The following KIRREL1 variants were observed in gnomAD, a reference collection of about 807,000 sequenced individuals.
The protein encoded by KIRREL1 is kirre like nephrin family adhesion molecule 1.
In KIRREL1, 25 loss-of-function variants were observed where a neutral mutation model predicts 83.3. The ratio of observed to expected loss-of-function variants is 0.30; its 90% CI spans 0.22 to 0.42. The LOEUF (loss-of-function observed/expected upper bound fraction) is 0.42. KIRREL1 is among the 10% of genes least tolerant of loss of function. The pLI is 1.00. For missense variants in KIRREL1, 812 were observed against 1,032.3 expected, an observed-to-expected ratio of 0.79 and a Z score of 2.92; for synonymous variants, 388 against 410.4, an observed-to-expected ratio of 0.95 and a Z score of 0.66.
At chr1:158,085,088 C>T (rs1661978304) in intron 4 of KIRREL1, among the ~76,000 whole-genome samples, 1 of 152,194 alleles carries the variant, frequency 6.6e-6, no homozygotes, top group Admixed American at 6.5e-5. Context: ...TTATTCCAGT[C>T]ATCACAACAA....
chr1:157,993,767 C>A, intron 1 of KIRREL1, 39 bp downstream of exon 1: 1 of 1,376,908 alleles, frequency 7.3e-7, no homozygotes, highest in Non-Finnish European at 9.7e-7. Context: ...CTCGGCTTCC[C>A]CCCGGGGCCG....
At chr1:158,045,285 A>G (rs1660749181) in intron 1 of KIRREL1, among the ~76,000 whole-genome samples, 1 of 152,160 alleles carries the variant, frequency 6.6e-6, no homozygotes, top group Non-Finnish European at 1.5e-5. Context: ...GGCTGTGGGA[A>G]CGCCCAGAAT....
chr1:158,008,880 T>A (rs936187449), intron 1 of KIRREL1, among the ~76,000 whole-genome samples: 1 of 152,118 alleles, frequency 6.6e-6, no homozygotes, highest in Non-Finnish European at 1.5e-5. Flanking sequence ...TGGCCCTGTC[T>A]CCATGGGGTC....
chr1:158,037,046 A>G (rs533460823), intron 1 of KIRREL1, among the ~76,000 whole-genome samples: 64 of 152,162 alleles, frequency 4.2e-4, no homozygotes, highest in African/African-American at 1.4e-3. Context: ...TGGTTCTCCT[A>G]TGTTAAAGAA....
intron 1 of KIRREL1, among the ~76,000 whole-genome samples, chr1:158,004,937 C>G (rs1324286164): frequency 6.6e-6 from 1 of 152,214 alleles, no homozygotes; most frequent in African/African-American, 2.4e-5. Flanking sequence ...GAGCAAGACT[C>G]TGTCTCAAAA....
intron 3 of KIRREL1, among the ~76,000 whole-genome samples, chr1:158,084,210 G>A (rs1198458512): frequency 6.6e-6 from 1 of 152,118 alleles, no homozygotes; most frequent in East Asian, 1.9e-4. Flanking sequence ...AAGAAAAGCA[G>A]ACAAGGACTG....
At chr1:158,005,683 A>G (rs1326037663) in intron 1 of KIRREL1, among the ~76,000 whole-genome samples, 6 of 152,178 alleles carry the variant, frequency 3.9e-5, no homozygotes, top group Non-Finnish European at 8.8e-5. Context: ...AGCAAGTTGC[A>G]TGATTTGGGA....
chr1:158,006,592 C>G (rs1659525440), intron 1 of KIRREL1, among the ~76,000 whole-genome samples: 1 of 152,226 alleles, frequency 6.6e-6, no homozygotes, highest in South Asian at 2.1e-4. Context: ...CCAAGGCTGT[C>G]CTCCTACAGT....
intron 1 of KIRREL1, among the ~76,000 whole-genome samples, chr1:158,033,583 A>G (rs1435521831): frequency 2.6e-5 from 4 of 152,176 alleles, no homozygotes; most frequent in South Asian, 2.1e-4. Context: ...CACTGCCCCA[A>G]TCAGGTTGTT....
chr1:158,096,381 TC>T lies in KIRREL1; in HGVS notation c.*1262del. The T allele has an allele frequency of 2.8e-6, 1 of 354,970 alleles. No individual in the cohort carries two copies. The highest frequency in any genetic ancestry group is 5.5e-6 in the Non-Finnish European group (1 of 180,908). The allele number at this position is 354,970 out of a possible 1,614,324, so 22.0% of individuals were successfully genotyped here. A position where few individuals can be genotyped will look rare whatever the true frequency, so the allele number is the denominator to read the frequency against. Reference sequence around the variant, plus strand: ...GGTTTTTAAGTGTCTTTTTTTTTTTTCTTGGACCAATCAGATTCCTTCTTCC... The same window carrying T: ...GGTTTTTAAGTGTCTTTTTTTTTTTTTTGGACCAATCAGATTCCTTCTTCC... On this transcript the variant is annotated 3_prime_UTR_variant, in exon 15 of 15. Coordinates refer to ENST00000359209, the MANE Select transcript of KIRREL1 (RefSeq NM_018240.7).
At chr1:158,020,052 T>G (rs1659956425) in intron 1 of KIRREL1, among the ~76,000 whole-genome samples, 1 of 152,160 alleles carries the variant, frequency 6.6e-6, no homozygotes, top group Non-Finnish European at 1.5e-5. Flanking sequence ...AAGAACTGTC[T>G]TGCTGAAATA....
Position 158,088,545 on chromosome 1 carries a change from C to T in KIRREL1, c.1044+91C>T, listed in dbSNP as rs6680189. On this transcript the variant is annotated intron_variant, in intron 8 of 14. Transcript: ENST00000359209. ...TGTCGCCCAGGCTGGAGTGCAGTGG[C>T]GCGATCTCGGCTCACTGCAAGCTCC... is the stretch of plus-strand genomic sequence containing the variant. 2.7e-4 allele frequency: 310 copies of T among 1,151,616 alleles called. 1 individual carries two copies. The African/African-American group carries it at 3.3e-3, about 12-fold the overall frequency. 71.3% of individuals were successfully genotyped at this position (1,151,616 alleles called of 1,614,324 possible).
At chr1:158,032,388 G>A (rs1660352120) in intron 1 of KIRREL1, among the ~76,000 whole-genome samples, 1 of 152,158 alleles carries the variant, frequency 6.6e-6, no homozygotes, top group Non-Finnish European at 1.5e-5. Flanking sequence ...CCTGAAGGCA[G>A]GGCTGACTTT....
At chr1:158,066,034 T>C (rs1293342791) in intron 1 of KIRREL1, among the ~76,000 whole-genome samples, 1 of 152,032 alleles carries the variant, frequency 6.6e-6, no homozygotes, top group Non-Finnish European at 1.5e-5. Context: ...GTTTCTTCTT[T>C]CAGTGAAGGA....
At position 158,094,257 on chromosome 1, in the gene KIRREL1, G is replaced by A. The variant is rs574079892; in HGVS notation, c.1720-56G>A. ...TCTGAGCGTGGGGAGGGGTTGGTGAGGGGCGAAAAGAGCAGGGCTTCCGTC... is the reference window on the plus strand; with the variant it reads ...TCTGAGCGTGGGGAGGGGTTGGTGAAGGGCGAAAAGAGCAGGGCTTCCGTC... On this transcript the variant is annotated intron_variant, in intron 13 of 14. Transcript: ENST00000359209. This position sits in a 1 kb window ranked among gnomAD's most constrained non-coding sequence, Gnocchi z 4.6. The A allele has an allele frequency of 6.0e-6, 9 of 1,492,494 alleles. No homozygotes were observed. The South Asian group carries it at 1.1e-4, about 18-fold the overall frequency. 92.5% of individuals were successfully genotyped at this position (1,492,494 alleles called of 1,614,324 possible).
intron 1 of KIRREL1, among the ~76,000 whole-genome samples, chr1:158,065,124 A>G (rs545129084): frequency 6.6e-6 from 1 of 152,124 alleles, no homozygotes; most frequent in South Asian, 2.1e-4. Flanking sequence ...CAAGGAGAGA[A>G]TGCCCTCCTC....
chr1:158,090,605 T>C (rs548185477), intron 10 of KIRREL1, among the ~76,000 whole-genome samples: 11 of 152,202 alleles, frequency 7.2e-5, no homozygotes, highest in Admixed American at 2.6e-4. Context: ...CCCCCTCCCT[T>C]AGGCTCCACT....
intron 1 of KIRREL1, among the ~76,000 whole-genome samples, chr1:158,024,388 C>A (rs1055335748): frequency 6.8e-6 from 1 of 146,920 alleles, no homozygotes; most frequent in Non-Finnish European, 1.5e-5. Flanking sequence ...CAGCTATTTT[C>A]CTGCCTCGAC....
At chr1:158,060,830 A>G (rs1436370387) in intron 1 of KIRREL1, among the ~76,000 whole-genome samples, 1 of 152,144 alleles carries the variant, frequency 6.6e-6, no homozygotes, top group Non-Finnish European at 1.5e-5. Context: ...TCCAGGGTGA[A>G]ACAGCATGAC....
Sources: allele counts gnomAD v4.1 joint callset (sites outside exome capture counted in the v4.1 genomes callset), GRCh38; gene constraint gnomAD v4.1.1; non-coding constraint Gnocchi (gnomAD v3.1); transcripts MANE v1.5; gene names NCBI Gene and HGNC (gene_info 2026-07-23, HGNC 2026-07-21).